MMS19: variants seen among roughly 807,000 people sequenced by gnomAD.
The protein encoded by MMS19 is MMS19 cytosolic iron-sulfur assembly component.
A neutral mutation model predicts 129.8 loss-of-function variants in MMS19; 77 were observed. The ratio of observed to expected loss-of-function variants is 0.59; its 90% confidence interval spans 0.49 to 0.72. The LOEUF is 0.72. MMS19 is among the 30% of genes least tolerant of loss of function. The probability of loss-of-function intolerance (pLI) is 0.00; values close to 1 mark genes in which losing one functional copy is unlikely to be tolerated. For missense variants in MMS19, 1,168 were observed against 1,266.3 expected (o/e 0.92, Z 1.18); for synonymous variants, 491 against 502.8 (o/e 0.98, Z 0.31).
chr10:97,485,338 G>A (rs537903916), intron 1 of MMS19, among the ~76,000 whole-genome samples: 1 of 150,806 alleles, frequency 6.6e-6, no homozygotes, highest in African/African-American at 2.4e-5. Context: ...TTGAGATGGA[G>A]TCTTGCTCTC....
intron 26 of MMS19, 76 bp from the exon 27 acceptor site, chr10:97,459,817 TGAGGCTGAGACATCAGCCTAC>T: frequency 8.1e-7 from 1 of 1,238,296 alleles, no homozygotes; most frequent in Non-Finnish European, 1.2e-6. Flanking sequence ...CAATCTGTGG[TGAGGCTGAGACATCAGCCTAC>T]AAACGGGTGA....
intron 1 of MMS19, among the ~76,000 whole-genome samples, chr10:97,487,374 G>A (rs1014243619): frequency 3.3e-5 from 5 of 149,396 alleles, no homozygotes; most frequent in African/African-American, 7.5e-5. Context: ...GCCAGAGTGC[G>A]GTGGCGCGAT....
chr10:97,498,041 T>C (rs1244881149), intron 1 of MMS19, among the ~76,000 whole-genome samples: 6 of 152,220 alleles, frequency 3.9e-5, no homozygotes, highest in Non-Finnish European at 8.8e-5. Flanking sequence ...CTGTAAAATG[T>C]AATGATTCCC....
intron 1 of MMS19, among the ~76,000 whole-genome samples, chr10:97,493,742 T>C (rs1157443308): frequency 9.2e-5 from 14 of 152,322 alleles, no homozygotes; most frequent in East Asian, 1.9e-4. Flanking sequence ...AGGGTTGGCA[T>C]GGTGGTTCAC....
intron 1 of MMS19, among the ~76,000 whole-genome samples, chr10:97,497,368 A>C (rs2039992011): frequency 6.6e-6 from 1 of 152,242 alleles, no homozygotes; most frequent in African/African-American, 2.4e-5. Flanking sequence ...CTAAAGGTTA[A>C]TACGCTCAAT....
At chr10:97,477,453 C>T (rs1452363682) in intron 5 of MMS19, 37 bp from the exon 6 acceptor site, 1 of 1,613,738 alleles carries the variant, frequency 6.2e-7, no homozygotes, top group East Asian at 2.2e-5. Context: ...AGAAAATGCT[C>T]AAAGAATACC....
intron 2 of MMS19, among the ~76,000 whole-genome samples, chr10:97,483,012 G>A (rs1213827095): frequency 2.6e-5 from 4 of 151,378 alleles, no homozygotes; most frequent in Non-Finnish European, 4.4e-5. Context: ...CGCCCACCTC[G>A]GCCTCCCAAA....
rs2033944279 is a variant in MMS19 at position 97,468,261 on chromosome 10, C to T, written c.1209G>A (p.Lys403=). The T allele has an allele frequency of 1.9e-6, 3 of 1,580,816 alleles. No individual in the cohort carries two copies. The highest frequency in any genetic ancestry group is 2.3e-5 in the East Asian group (1 of 43,378). ...GATTCTGCTCCCTTACCTGACTGTGCTTGTGGAACTGTTCCAGCAGTAAAG... is the reference window on the plus strand; with the variant it reads ...GATTCTGCTCCCTTACCTGACTGTGTTTGTGGAACTGTTCCAGCAGTAAAG... The part of the protein sequence containing the change: ...VLPLLLEQFH[K]HSQSSQRRTI... Residue 403 remains lysine (K), a synonymous_variant, in exon 13 of 31, where the codon AAG becomes AAA. Transcript: ENST00000438925.
intron 1 of MMS19, among the ~76,000 whole-genome samples, chr10:97,493,279 G>A (rs1167863382): frequency 1.3e-5 from 2 of 152,132 alleles, no homozygotes; most frequent in Non-Finnish European, 2.9e-5. Flanking sequence ...CCAAAGTGCT[G>A]GGATTACAGG....
intron 15 of MMS19, 32 bp downstream of exon 15, chr10:97,466,744 T>C (rs777400768): frequency 1.2e-6 from 2 of 1,613,806 alleles, no homozygotes; most frequent in Non-Finnish European, 1.7e-6. Context: ...AAAGGACCAA[T>C]ATTTTCCTCT....
intron 8 of MMS19, among the ~76,000 whole-genome samples, chr10:97,473,039 T>A (rs1249739642): frequency 6.6e-6 from 1 of 151,928 alleles, no homozygotes. Context: ...CTCTTTTTAT[T>A]TATTTTTTTT....
At chr10:97,478,437 C>G in intron 3 of MMS19, 48 bp from the exon 4 acceptor site, 2 of 1,376,634 alleles carry the variant, frequency 1.5e-6, no homozygotes, top group South Asian at 2.5e-5. Context: ...ACGAGAAGGG[C>G]CCAAGAGCTT....
At chr10:97,483,970 G>C (rs1340644727) in intron 2 of MMS19, 133 bp downstream of exon 2, 4 of 610,256 alleles carry the variant, frequency 6.6e-6, no homozygotes, top group Non-Finnish European at 8.8e-6. Flanking sequence ...CTTAGACTGA[G>C]GTACTAATAT....
At chr10:97,481,127 C>G in intron 2 of MMS19, 85 bp from the exon 3 acceptor site, 1 of 876,680 alleles carries the variant, frequency 1.1e-6, no homozygotes, top group Non-Finnish European at 1.8e-6. Context: ...GTCACACTCA[C>G]CCCCTGGGCA....
chr10:97,462,576 T>C lies in MMS19; in HGVS notation c.2012+7A>G. The C allele has an allele frequency of 6.2e-7, 1 of 1,607,488 alleles. No individual in the cohort carries two copies. Among genetic ancestry groups the C allele is most frequent in the Non-Finnish European group, 8.5e-7 (1 of 1,173,990 alleles). ...TGGGTTCAAGCCACATCCATGATTA[T>C]ACTTACTCAGGGCTCAGGTGGGTTG... On this transcript the variant is annotated splice_region_variant and intron_variant, in intron 20 of 30. Transcript: ENST00000438925.
chr10:97,495,397 G>A (rs941004742), intron 1 of MMS19, among the ~76,000 whole-genome samples: 1 of 152,206 alleles, frequency 6.6e-6, no homozygotes, highest in African/African-American at 2.4e-5. Context: ...CTGCTTTTGT[G>A]ATCAAAGGGT....
chr10:97,460,930 G>A lies in MMS19; in HGVS notation c.2389C>T (p.Gln797Ter). ...ACCCAGAGAAGAAGAGTGAAGGCCT[G>A]ACTACGACAGGGCCCAGAGCCCAGG... ...AGLGSGPCRS[Q>*]AFTLLLWVTK... The change falls in exon 24 of 31, where the codon CAG (glutamine) becomes TAG (stop). Residue 797 changes from glutamine to a stop codon, truncating the protein, a stop_gained. Coordinates refer to ENST00000438925, the MANE Select transcript of MMS19 (RefSeq NM_022362.5). LOFTEE classifies it high-confidence loss of function. 1.3e-6 allele frequency: 2 copies of A among 1,582,328 alleles called. No individual in the cohort carries two copies. Among genetic ancestry groups the A allele is most frequent in the Non-Finnish European group, 8.6e-7 (1 of 1,163,506 alleles).
intron 25 of MMS19, 132 bp downstream of exon 25, chr10:97,460,563 C>A: frequency 1.2e-6 from 1 of 801,278 alleles, no homozygotes; most frequent in Non-Finnish European, 2.1e-6. Flanking sequence ...CAGAGTAAGA[C>A]CCTGTCTCCA....
In MMS19 at chr10:97,461,592, G is replaced by A. The variant is rs2031939479; in HGVS notation, c.2215C>T (p.Arg739Trp). Residue 739 changes from arginine (R) to tryptophan (W), a missense_variant, in exon 23 of 31, where the codon CGG (arginine) becomes TGG (tryptophan). Transcript: ENST00000438925. ...VEIPQLNQLM[R>W]ELLELSCCHS... is the part of the protein sequence containing the mutation. The stretch of plus-strand genomic sequence containing the variant: ...CAGCAGCTCAGTTCCAAAAGCTCCC[G>A]CATGAGTTGGTTCAGCTGAGGGATT... 22 of 1,599,922 alleles carry A rather than the reference G, an allele frequency of 1.4e-5. No homozygotes were observed. Among genetic ancestry groups the A allele is most frequent in the South Asian group, 2.3e-5 (2 of 88,472 alleles).
Sources: allele counts gnomAD v4.1 joint callset (sites outside exome capture counted in the v4.1 genomes callset), GRCh38; gene constraint gnomAD v4.1.1; transcripts MANE v1.5; gene names NCBI Gene and HGNC (gene_info 2026-07-23, HGNC 2026-07-21).